The following PCDHA5 variants were observed in gnomAD, a reference collection of about 807,000 sequenced individuals.
PCDHA5 encodes the protein protocadherin alpha-5.
In PCDHA5, 43 loss-of-function variants were observed where a neutral mutation model predicts 61.6. The ratio of observed to expected loss-of-function variants is 0.70; its 90% CI spans 0.55 to 0.90. The LOEUF is 0.90. Among genes scored for constraint, PCDHA5 ranks in the 40% least tolerant of loss-of-function variants. PCDHA5 has a pLI of 0.00. For synonymous variants in PCDHA5, 627 were observed against 543.9 expected (o/e 1.15, Z -2.13); for missense variants, 1,298 against 1,222.7 (o/e 1.06, Z -0.92).
chr5:140,968,276 G>A, intron 1 of PCDHA5: 1 of 1,614,070 alleles, frequency 6.2e-7, no homozygotes, highest in South Asian at 1.1e-5. Context: ...GAATGCAGAG[G>A]TGACCTACTC....
chr5:140,917,952 GA>G (rs1180047836), intron 1 of PCDHA5, among the ~76,000 whole-genome samples: 1 of 152,002 alleles, frequency 6.6e-6, no homozygotes, highest in Non-Finnish European at 1.5e-5. Flanking sequence ...AGTTTGATAG[GA>G]ACATCATTGA....
At chr5:140,850,834 C>G in intron 1 of PCDHA5, 1 of 1,597,920 alleles carries the variant, frequency 6.3e-7, no homozygotes, top group South Asian at 1.1e-5. Flanking sequence ...TCTCCTTGTG[C>G]TGGATCTACA....
chr5:140,999,574 A>G (rs2097863527), intron 3 of PCDHA5, among the ~76,000 whole-genome samples: 1 of 152,170 alleles, frequency 6.6e-6, no homozygotes, highest in South Asian at 2.1e-4. Context: ...AAGAGACTAT[A>G]AAGGGAAATT....
intron 1 of PCDHA5, among the ~76,000 whole-genome samples, chr5:140,941,202 C>CCTTTCTTCCTTTCTTTCTTTCTTTCTTT (rs1394736170): frequency 6.0e-4 from 74 of 122,806 alleles, no homozygotes; most frequent in Middle Eastern, 4.2e-3. Flanking sequence ...TTTCTTTCTT[C>CCTTTCTTCCTTTCTTTCTTTCTTTCTTT]CTTTCTTTCT....
chr5:140,834,509 C>T (rs1773064417), intron 1 of PCDHA5: 2 of 1,614,012 alleles, frequency 1.2e-6, no homozygotes, highest in Admixed American at 1.7e-5. Flanking sequence ...CTAAACATGG[C>T]AACTTCGTGG....
chr5:141,009,942 C>T lies in PCDHA5; in HGVS notation c.*5C>T, dbSNP rs782819309. The T allele has an allele frequency of 6.3e-7, 1 of 1,597,438 alleles. No individual in the cohort carries two copies. The highest frequency in any genetic ancestry group is 1.1e-5 in the South Asian group (1 of 87,840). ...ACTGACAACAGTGACCAGTGAGGTCCTCAAATGGAAACAAGCCACTTAGCC... is the reference window on the plus strand; with the variant it reads ...ACTGACAACAGTGACCAGTGAGGTCTTCAAATGGAAACAAGCCACTTAGCC... On this transcript the variant is annotated 3_prime_UTR_variant, in exon 4 of 4. Coordinates refer to ENST00000529859, the MANE Select transcript of PCDHA5 (RefSeq NM_018908.3).
At chr5:140,882,961 G>A (rs267600401) in intron 1 of PCDHA5, 1 of 1,614,180 alleles carries the variant, frequency 6.2e-7, no homozygotes, top group Non-Finnish European at 8.5e-7. Context: ...TGCTCATCAC[G>A]ATTCTGGACG....
At chr5:140,843,810 T>C in intron 1 of PCDHA5, 1 of 1,274,540 alleles carries the variant, frequency 7.8e-7, no homozygotes, top group Non-Finnish European at 1.1e-6. Context: ...CCGTATTTTA[T>C]AGTGAAAATT....
At chr5:140,975,896 T>C (rs1267301126) in intron 1 of PCDHA5, among the ~76,000 whole-genome samples, 1 of 152,202 alleles carries the variant, frequency 6.6e-6, no homozygotes, top group Non-Finnish European at 1.5e-5. Context: ...CATATGGAGT[T>C]TTGTGACCAT....
At chr5:140,911,654 T>C (rs1554194855) in intron 1 of PCDHA5, among the ~76,000 whole-genome samples, 1 of 152,218 alleles carries the variant, frequency 6.6e-6, no homozygotes, top group Non-Finnish European at 1.5e-5. Flanking sequence ...ATAGAGTTAC[T>C]AAACTCCTTG....
intron 1 of PCDHA5, among the ~76,000 whole-genome samples, chr5:140,826,374 T>C (rs1440131639): frequency 6.6e-6 from 1 of 152,198 alleles, no homozygotes; most frequent in Non-Finnish European, 1.5e-5. Context: ...CAATAGAAAG[T>C]CAGTGATAAG....
At chr5:140,868,341 T>C (rs1554161894) in intron 1 of PCDHA5, 1 of 152,158 alleles carries the variant, frequency 6.6e-6, no homozygotes, top group African/African-American at 2.4e-5. Flanking sequence ...AAGTCACTTA[T>C]AATCAGAAAG....
intron 1 of PCDHA5, chr5:140,884,471 G>T (rs2060197778): frequency 1.2e-6 from 2 of 1,613,684 alleles, no homozygotes; most frequent in Admixed American, 3.3e-5. Flanking sequence ...GTGCGCGCCG[G>T]GCAAGCCCAC....
intron 1 of PCDHA5, among the ~76,000 whole-genome samples, chr5:140,973,765 G>A (rs1326498499): frequency 6.6e-6 from 1 of 152,230 alleles, no homozygotes; most frequent in African/African-American, 2.4e-5. Context: ...GACACAGCCT[G>A]GCATATTATA....
chr5:140,971,182 G>A (rs1158073557), intron 1 of PCDHA5, among the ~76,000 whole-genome samples: 7 of 152,110 alleles, frequency 4.6e-5, no homozygotes, highest in Admixed American at 1.3e-4. Flanking sequence ...GCTGTAAGCC[G>A]GAAGCTCAGA....
chr5:140,876,022 A>G lies in PCDHA5; in HGVS notation c.2352+51895A>G, dbSNP rs782132751. ...TGAGAATTTTGAGCTTAAAATAAAA[A>G]CAAAAAAAGATAAAAGTATATTGCC... On this transcript the variant is annotated intron_variant, in intron 1 of 3. Coordinates refer to ENST00000529859, the MANE Select transcript of PCDHA5 (RefSeq NM_018908.3). 1.7e-5 allele frequency: 28 copies of G among 1,613,632 alleles called. No homozygotes were observed. The highest frequency in any genetic ancestry group is 2.2e-5 in the Non-Finnish European group (26 of 1,179,850).
intron 1 of PCDHA5, chr5:140,853,653 C>G: frequency 3.0e-6 from 3 of 988,604 alleles, no homozygotes; most frequent in Non-Finnish European, 3.7e-6. Flanking sequence ...TGAGCCTGTT[C>G]CAGACAAATT....
In PCDHA5 at chr5:140,943,486, T is replaced by C. The variant is rs573341102; in HGVS notation, c.2353-35463T>C. Among the ~76,000 whole-genome samples the C allele has an allele frequency of 2.6e-5, 4 of 152,178 alleles. No homozygotes were observed. The South Asian group carries it at 8.3e-4, about 32-fold the overall frequency. Reference sequence around the variant, plus strand: ...GTGGGAGATACAGTAAAATAATAAATAGATGCTATCAAGGTTCATGGAAAT... The same window carrying C: ...GTGGGAGATACAGTAAAATAATAAACAGATGCTATCAAGGTTCATGGAAAT... On this transcript the variant is annotated intron_variant, in intron 1 of 3. Coordinates refer to ENST00000529859, the MANE Select transcript of PCDHA5 (RefSeq NM_018908.3).
intron 3 of PCDHA5, among the ~76,000 whole-genome samples, chr5:141,004,011 CT>C (rs1220756747): frequency 2.6e-4 from 40 of 152,200 alleles, no homozygotes; most frequent in African/African-American, 9.4e-4. Context: ...GGAGGCAGCA[CT>C]GAAAGAAGAA....
Sources: gnomAD v4.1 joint callset for allele counts (sites outside exome capture counted in the v4.1 genomes callset) on GRCh38, gnomAD v4.1.1 for gene constraint, MANE v1.5 for transcripts, NCBI Gene and HGNC (gene_info 2026-07-23, HGNC 2026-07-21) for gene names.